Variants in SUSD1 observed in about 807,000 individuals in gnomAD.
The protein encoded by SUSD1 is sushi domain-containing protein 1.
A neutral mutation model predicts 86.9 loss-of-function variants in SUSD1; 65 were observed. The ratio of observed to expected loss-of-function variants is 0.75; its 90% CI spans 0.61 to 0.92. SUSD1 has a LOEUF of 0.92. Ranked by LOEUF, SUSD1 falls within the 40% of genes least tolerant of loss-of-function variation. SUSD1 has a pLI of 0.00. For missense variants in SUSD1, 850 were observed against 929.7 expected (o/e 0.91, Z 1.11); for synonymous variants, 346 against 350.0 (o/e 0.99, Z 0.13).
In SUSD1 at chr9:112,098,540, C is replaced by T. The variant is rs748146016; in HGVS notation, c.1404G>A (p.Thr468=). The T allele has an allele frequency of 4.6e-5, 74 of 1,614,034 alleles. No homozygotes were observed. The highest frequency in any genetic ancestry group is 2.8e-4 in the African/African-American group (21 of 74,912). Residue 468 remains threonine, a synonymous_variant, in exon 10 of 17, where the codon ACG becomes ACA. Transcript: ENST00000374270. ...GAGATCTCAGCAGGGTCACATTCAC[C>T]GTATAATCAGTCGTAGGGTACAGAT... ...CLDLYPTTDY[T]VNVTLLRSPK... is the part of the protein sequence containing the mutation.
chr9:112,163,747 C>T (rs1332847350), intron 1 of SUSD1, among the ~76,000 whole-genome samples: 1 of 152,144 alleles, frequency 6.6e-6, no homozygotes, highest in Non-Finnish European at 1.5e-5. Flanking sequence ...GCCTGTAATC[C>T]CAGCACTTTG....
intron 15 of SUSD1, among the ~76,000 whole-genome samples, chr9:112,051,501 G>A (rs1251057203): frequency 2.0e-5 from 3 of 146,686 alleles, no homozygotes; most frequent in African/African-American, 7.6e-5. Context: ...GCGCGATCTC[G>A]GCTCACCGCA....
rs1827711424 is a variant in SUSD1 at position 112,041,001 on chromosome 9, A to G, written c.*491T>C. The stretch of plus-strand genomic sequence containing the variant: ...GCCTACGTCACTGTTCTCTTTTTCA[A>G]TGACCTCCTTCATAAAGTCAAACTC... On this transcript the variant is annotated 3_prime_UTR_variant, in exon 17 of 17. Coordinates refer to ENST00000374270, the MANE Select transcript of SUSD1 (RefSeq NM_022486.5). 1.2e-5 allele frequency: 2 copies of G among 171,646 alleles called. No homozygotes were observed. Among genetic ancestry groups the G allele is most frequent in the Admixed American group, 5.8e-5 (1 of 17,178 alleles). The allele number at this position is 171,646 out of a possible 1,614,324, so 10.6% of individuals were successfully genotyped here. A position where few individuals can be genotyped will look rare whatever the true frequency, so the allele number is the denominator to read the frequency against.
intron 5 of SUSD1, among the ~76,000 whole-genome samples, chr9:112,133,390 G>T (rs975061365): frequency 1.3e-5 from 2 of 152,212 alleles, no homozygotes; most frequent in Non-Finnish European, 2.9e-5. Context: ...ACAGAATAGA[G>T]AACCCAGAAA....
chr9:112,131,300 G>GT (rs1275144289), intron 5 of SUSD1, among the ~76,000 whole-genome samples: 2 of 152,192 alleles, frequency 1.3e-5, no homozygotes, highest in African/African-American at 4.8e-5. Flanking sequence ...AACGTTGCCT[G>GT]AATAAGCATT....
intron 12 of SUSD1, among the ~76,000 whole-genome samples, chr9:112,063,941 T>C (rs898298482): frequency 2.0e-5 from 3 of 151,950 alleles, no homozygotes; most frequent in African/African-American, 7.3e-5. Flanking sequence ...CTCCAAAGTA[T>C]TAGGAAAAGA....
At chr9:112,165,939 AAAG>A (rs1184588376) in intron 1 of SUSD1, among the ~76,000 whole-genome samples, 12 of 102,452 alleles carry the variant, frequency 1.2e-4, no homozygotes, top group East Asian at 2.6e-4. Flanking sequence ...AGAAAGAAAG[AAAG>A]AAGAAAGAAA....
At position 112,149,345 on chromosome 9, in the gene SUSD1, C is replaced by CA; in HGVS notation, c.271dup (p.Cys91LeufsTer38). 1.2e-6 allele frequency: 2 copies of CA among 1,614,112 alleles called. No individual in the cohort carries two copies. Among genetic ancestry groups the CA allele is most frequent in the Non-Finnish European group, 1.7e-6 (2 of 1,180,020 alleles). ...ATAGAAGCCCCCGGGGGTGTTGTGG[C>CA]AAGATGTGTGGTTCCCACAGACAAG... On this transcript the variant is annotated frameshift_variant, in exon 3 of 17. Coordinates refer to ENST00000374270, the MANE Select transcript of SUSD1 (RefSeq NM_022486.5). LOFTEE classifies it high-confidence loss of function.
At chr9:112,112,562 G>A (rs1392227471) in intron 7 of SUSD1, among the ~76,000 whole-genome samples, 1 of 152,024 alleles carries the variant, frequency 6.6e-6, no homozygotes, top group Non-Finnish European at 1.5e-5. Context: ...CTTGAACCCG[G>A]GAGGCTGAGG....
intron 12 of SUSD1, among the ~76,000 whole-genome samples, chr9:112,072,621 C>T (rs999211106): frequency 3.3e-5 from 5 of 152,144 alleles, no homozygotes; most frequent in African/African-American, 1.2e-4. Context: ...GATTCAGATG[C>T]TGGTAGCAAG....
intron 5 of SUSD1, among the ~76,000 whole-genome samples, chr9:112,140,078 TG>T (rs112078748): frequency 7.5e-6 from 1 of 133,366 alleles, no homozygotes; most frequent in African/African-American, 3.4e-5. Flanking sequence ...ATACAAAAAT[TG>T]GGGCCGGGCG....
At chr9:112,075,269 C>A (rs556161715) in intron 12 of SUSD1, among the ~76,000 whole-genome samples, 1 of 152,290 alleles carries the variant, frequency 6.6e-6, no homozygotes, top group South Asian at 2.1e-4. Flanking sequence ...ACCAATACCA[C>A]CCACTGGCTG....
chr9:112,154,391 G>A (rs1833204583), intron 2 of SUSD1, among the ~76,000 whole-genome samples: 1 of 151,604 alleles, frequency 6.6e-6, no homozygotes, highest in South Asian at 2.1e-4. Context: ...GTGTGTGCCT[G>A]TAGTCCCAGA....
chr9:112,124,209 C>T, intron 6 of SUSD1, 48 bp downstream of exon 6: 2 of 1,560,350 alleles, frequency 1.3e-6, no homozygotes, highest in South Asian at 2.4e-5. Flanking sequence ...TCGGCTCCCA[C>T]TGGCTGTTTT....
intron 15 of SUSD1, among the ~76,000 whole-genome samples, chr9:112,050,348 A>G (rs910185057): frequency 3.9e-5 from 6 of 152,292 alleles, no homozygotes; most frequent in Admixed American, 2.6e-4. Flanking sequence ...ACCCTGCTGA[A>G]AAGCCAAGTC....
intron 15 of SUSD1, among the ~76,000 whole-genome samples, chr9:112,049,554 T>C (rs968520147): frequency 3.3e-5 from 5 of 152,224 alleles, no homozygotes; most frequent in Non-Finnish European, 7.3e-5. Context: ...AGGGGCAATA[T>C]GCAAAAGGTA....
chr9:112,062,520 C>T (rs1195936199), intron 13 of SUSD1, among the ~76,000 whole-genome samples: 1 of 151,992 alleles, frequency 6.6e-6, no homozygotes, highest in Non-Finnish European at 1.5e-5. Flanking sequence ...CATGGCAAAA[C>T]CTCGTCTCAA....
chr9:112,126,820 C>T (rs538642073), intron 5 of SUSD1, among the ~76,000 whole-genome samples: 2 of 152,100 alleles, frequency 1.3e-5, no homozygotes, highest in African/African-American at 2.4e-5. Flanking sequence ...TTCATTTTGG[C>T]GCACACCCTC....
intron 9 of SUSD1, among the ~76,000 whole-genome samples, chr9:112,099,016 TC>T (rs1218508923): frequency 3.2e-4 from 2 of 6,288 alleles, no homozygotes; most frequent in Non-Finnish European, 4.8e-4. Context: ...AATACTTCGT[TC>T]TCTCTCTCTC....
Sources: gnomAD v4.1 joint callset for allele counts (sites outside exome capture counted in the v4.1 genomes callset) on GRCh38, gnomAD v4.1.1 for gene constraint, MANE v1.5 for transcripts, NCBI Gene and HGNC (gene_info 2026-07-23, HGNC 2026-07-21) for gene names.